Variants in GRIA4 observed in about 807,000 individuals in gnomAD.
The protein encoded by GRIA4 is glutamate ionotropic receptor AMPA type subunit 4.
In GRIA4, 34 loss-of-function variants were observed where a neutral mutation model predicts 104.0. The ratio of observed to expected loss-of-function variants is 0.33; its 90% confidence interval spans 0.25 to 0.44. The LOEUF is 0.44. Among genes scored for constraint, GRIA4 ranks in the 20% least tolerant of loss-of-function variants. GRIA4 has a pLI of 1.00. For missense variants in GRIA4, 750 were observed against 1,096.5 expected, an observed-to-expected ratio of 0.68 and a Z score of 4.46; for synonymous variants, 386 against 381.9, an observed-to-expected ratio of 1.01 and a Z score of -0.13.
chr11:105,657,849 C>G (rs1308913100), intron 3 of GRIA4, among the ~76,000 whole-genome samples: 1 of 151,864 alleles, frequency 6.6e-6, no homozygotes, highest in African/African-American at 2.4e-5. Flanking sequence ...AATATTAGTA[C>G]AGATGGAATG....
At chr11:105,651,763 C>T (rs1216131013) in intron 3 of GRIA4, among the ~76,000 whole-genome samples, 1 of 151,828 alleles carries the variant, frequency 6.6e-6, no homozygotes, top group Non-Finnish European at 1.5e-5. Flanking sequence ...TTGTAGTAGC[C>T]TATTGTCATT....
intron 4 of GRIA4, among the ~76,000 whole-genome samples, chr11:105,835,755 G>C (rs1309462736): frequency 6.6e-6 from 1 of 152,010 alleles, no homozygotes; most frequent in East Asian, 1.9e-4. Flanking sequence ...GAAACCTCTG[G>C]TGATAGTTAA....
intron 3 of GRIA4, among the ~76,000 whole-genome samples, chr11:105,628,407 T>C (rs1950943543): frequency 6.6e-6 from 1 of 152,164 alleles, no homozygotes; most frequent in Non-Finnish European, 1.5e-5. Context: ...ACATCTCATC[T>C]TGAATTGTAT....
Position 105,887,511 on chromosome 11 carries a change from C to T in GRIA4, c.673-8C>T. On this transcript the variant is annotated splice_region_variant and splice_polypyrimidine_tract_variant and intron_variant, in intron 5 of 16. Coordinates refer to ENST00000282499, the MANE Select transcript of GRIA4 (RefSeq NM_000829.4). ...TTGATTTTCTCTTATTTGCTTATAT[C>T]TTCACAGATTGTAAGTGTTGGAAAG... 1 of 1,270,924 alleles carries T rather than the reference C, an allele frequency of 7.9e-7. No homozygotes were observed. Among genetic ancestry groups the T allele is most frequent in the Non-Finnish European group, 1.1e-6 (1 of 892,596 alleles). The allele number at this position is 1,270,924 out of a possible 1,614,324, so 78.7% of individuals were successfully genotyped here. A position where few individuals can be genotyped will look rare whatever the true frequency, so the allele number is the denominator to read the frequency against.
At chr11:105,934,725 G>T (rs1565352079) in intron 14 of GRIA4, among the ~76,000 whole-genome samples, 1 of 152,168 alleles carries the variant, frequency 6.6e-6, no homozygotes, top group Non-Finnish European at 1.5e-5. Flanking sequence ...GGTTAAATCT[G>T]CCCTTTTCAT....
intron 3 of GRIA4, among the ~76,000 whole-genome samples, chr11:105,685,841 G>A (rs1015082381): frequency 2.0e-5 from 3 of 151,936 alleles, no homozygotes; most frequent in African/African-American, 7.3e-5. Context: ...ACAGTAGCCT[G>A]ATGGCAAAGA....
intron 4 of GRIA4, among the ~76,000 whole-genome samples, chr11:105,820,934 A>C (rs1943552865): frequency 6.6e-6 from 1 of 152,172 alleles, no homozygotes; most frequent in Non-Finnish European, 1.5e-5. Flanking sequence ...TGTTAAGAAC[A>C]GAAGAGCGAA....
intron 4 of GRIA4, among the ~76,000 whole-genome samples, chr11:105,822,329 T>C (rs926850198): frequency 3.3e-5 from 5 of 152,110 alleles, no homozygotes; most frequent in Admixed American, 6.6e-5. Context: ...TCAAGACCTT[T>C]CTGTTTTCTT....
At chr11:105,976,486 T>C (rs1056283497) in intron 16 of GRIA4, among the ~76,000 whole-genome samples, 1 of 151,796 alleles carries the variant, frequency 6.6e-6, no homozygotes, top group Non-Finnish European at 1.5e-5. Flanking sequence ...GACAAAAAAA[T>C]TTCAAATAAA....
chr11:105,727,073 A>G (rs1234814723), intron 3 of GRIA4, among the ~76,000 whole-genome samples: 1 of 152,082 alleles, frequency 6.6e-6, no homozygotes, highest in African/African-American at 2.4e-5. Flanking sequence ...GAAGGTGGGT[A>G]ATAACAAACT....
chr11:105,854,415 G>A (rs1487290040), intron 4 of GRIA4, among the ~76,000 whole-genome samples: 1 of 152,308 alleles, frequency 6.6e-6, no homozygotes, highest in East Asian at 1.9e-4. Context: ...AAAGCAGCCA[G>A]ATGTCTGGTG....
chr11:105,787,925 A>G (rs1212503473), intron 4 of GRIA4, among the ~76,000 whole-genome samples: 1 of 152,110 alleles, frequency 6.6e-6, no homozygotes, highest in Non-Finnish European at 1.5e-5. Context: ...TATCTTTTGT[A>G]TAATATGATC....
At chr11:105,960,627 G>C (rs912586733) in intron 14 of GRIA4, among the ~76,000 whole-genome samples, 11 of 152,160 alleles carry the variant, frequency 7.2e-5, no homozygotes, top group Non-Finnish European at 1.2e-4. Flanking sequence ...AAACAGCTTC[G>C]ACAGCAGGCA....
chr11:105,698,885 G>T (rs1273073832), intron 3 of GRIA4, among the ~76,000 whole-genome samples: 2 of 146,932 alleles, frequency 1.4e-5, no homozygotes, highest in East Asian at 4.1e-4. Flanking sequence ...ACTGCTAGTC[G>T]CAGAACATGC....
intron 4 of GRIA4, among the ~76,000 whole-genome samples, chr11:105,780,293 C>T (rs1253770679): frequency 6.6e-6 from 1 of 152,122 alleles, no homozygotes; most frequent in Non-Finnish European, 1.5e-5. Flanking sequence ...ATAATAGAAA[C>T]ATGAAATATG....
intron 14 of GRIA4, among the ~76,000 whole-genome samples, chr11:105,943,179 C>T (rs1948224331): frequency 6.6e-6 from 1 of 152,110 alleles, no homozygotes; most frequent in Non-Finnish European, 1.5e-5. Flanking sequence ...TAAATAGCTG[C>T]TTTTATTGCA....
intron 4 of GRIA4, among the ~76,000 whole-genome samples, chr11:105,786,590 C>A (rs2135789418): frequency 6.6e-6 from 1 of 152,274 alleles, no homozygotes; most frequent in South Asian, 2.1e-4. Context: ...ATAAATATTA[C>A]ATAGTACATA....
Position 105,918,697 on chromosome 11 carries a change from C to T in GRIA4, c.1270-15C>T. 1.6e-6 allele frequency: 2 copies of T among 1,226,054 alleles called. No individual in the cohort carries two copies. Among genetic ancestry groups the T allele is most frequent in the South Asian group, 1.2e-5 (1 of 82,628 alleles). 75.9% of individuals were successfully genotyped at this position (1,226,054 alleles called of 1,614,324 possible). A position where few individuals can be genotyped will look rare whatever the true frequency, so the allele number is the denominator to read the frequency against. On this transcript the variant is annotated splice_polypyrimidine_tract_variant and intron_variant, in intron 10 of 16. Transcript: ENST00000282499. ...TTATAATTTCTCCTTTACAGTTCTA[C>T]TTCTCTCATTATAGGAATCCCCATA...
intron 3 of GRIA4, among the ~76,000 whole-genome samples, chr11:105,641,628 T>A (rs1951362327): frequency 6.6e-6 from 1 of 152,256 alleles, no homozygotes; most frequent in South Asian, 2.1e-4. Flanking sequence ...GTCATGTGAA[T>A]CCAAAGGGCC....
Sources: allele counts gnomAD v4.1 joint callset (sites outside exome capture counted in the v4.1 genomes callset), GRCh38; gene constraint gnomAD v4.1.1; transcripts MANE v1.5; gene names NCBI Gene and HGNC (gene_info 2026-07-23, HGNC 2026-07-21).